The following MYT1L variants were observed in gnomAD, a reference collection of about 807,000 sequenced individuals.
MYT1L encodes myelin transcription factor 1-like protein.
Under a neutral mutation model 126.7 loss-of-function variants are expected in MYT1L, and 12 were observed. The ratio of observed to expected loss-of-function variants is 0.09; its 90% CI spans 0.06 to 0.15. The LOEUF is 0.15. Among genes scored for constraint, MYT1L ranks in the 10% least tolerant of loss-of-function variants. The pLI, the probability that MYT1L is intolerant of heterozygous loss-of-function variation, is 1.00. For missense variants in MYT1L, 979 were observed against 1,585.2 expected (o/e 0.62, Z 6.49); for synonymous variants, 541 against 604.2 (o/e 0.90, Z 1.53).
At chr2:1,805,895 A>G (rs2035620727) in intron 22 of MYT1L, among the ~76,000 whole-genome samples, 1 of 152,114 alleles carries the variant, frequency 6.6e-6, no homozygotes, top group African/African-American at 2.4e-5. Flanking sequence ...AAAAAAAGAG[A>G]GGGATTGTCT....
intron 19 of MYT1L, chr2:1,842,961 G>GCGCTTCCGCTTCCAGC (rs2042002308): frequency 3.0e-5 from 5 of 169,006 alleles, no homozygotes; most frequent in Non-Finnish European, 6.2e-5. Flanking sequence ...CCGCTTCCAG[G>GCGCTTCCGCTTCCAGC]CGCGCGGTGC....
intron 9 of MYT1L, among the ~76,000 whole-genome samples, chr2:1,932,748 G>C (rs2055188185): frequency 6.6e-6 from 1 of 152,134 alleles, no homozygotes; most frequent in Non-Finnish European, 1.5e-5. Flanking sequence ...AGAGTGTTCT[G>C]GGGGAGGAAA....
At chr2:2,315,495 A>G (rs932967376) in intron 1 of MYT1L, among the ~76,000 whole-genome samples, 2 of 152,202 alleles carry the variant, frequency 1.3e-5, no homozygotes, top group African/African-American at 4.8e-5. Context: ...ACTGGTGCCT[A>G]TAACAATCCT....
At chr2:2,073,272 T>A (rs1214220017) in intron 3 of MYT1L, among the ~76,000 whole-genome samples, 1 of 151,402 alleles carries the variant, frequency 6.6e-6, no homozygotes, top group Non-Finnish European at 1.5e-5. Context: ...CACCATCTCA[T>A]CTCCCATCCC....
intron 3 of MYT1L, among the ~76,000 whole-genome samples, chr2:2,095,681 G>A (rs1043689427): frequency 1.1e-4 from 16 of 152,132 alleles, no homozygotes; most frequent in African/African-American, 3.1e-4. Context: ...TGCAATCTAT[G>A]GGCCAAAGGG....
At chr2:2,160,544 T>A (rs868431487) in intron 3 of MYT1L, among the ~76,000 whole-genome samples, 2 of 152,186 alleles carry the variant, frequency 1.3e-5, no homozygotes, top group Non-Finnish European at 2.9e-5. Context: ...GACTTCCTAA[T>A]AGTTTGGTCA....
intron 3 of MYT1L, among the ~76,000 whole-genome samples, chr2:2,129,114 A>T (rs2082054353): frequency 6.6e-6 from 1 of 152,348 alleles, no homozygotes; most frequent in Admixed American, 6.5e-5. Context: ...TTCACTGAGA[A>T]GACAGACGCT....
chr2:2,216,045 C>G (rs181060758), intron 2 of MYT1L, among the ~76,000 whole-genome samples: 1,908 of 99,812 alleles, frequency 0.019, 36 homozygotes, highest in African/African-American at 0.057. Flanking sequence ...GTCTGTCTGT[C>G]TCTCTCTCTC....
chr2:1,884,077 A>G (rs1186589333), intron 18 of MYT1L: 1 of 152,230 alleles, frequency 6.6e-6, no homozygotes, highest in Non-Finnish European at 1.5e-5. Flanking sequence ...TGTTTTGTCC[A>G]TGATCAAGAA....
rs575297567 is a variant in MYT1L, at chr2:2,233,688, T to C, written c.-421+50716A>G. Reference sequence around the variant, plus strand: ...AGCGGAACCAGCCATATCGGCACCATTGTCAGACAGGAAATGAACCCAAGG... The same window carrying C: ...AGCGGAACCAGCCATATCGGCACCACTGTCAGACAGGAAATGAACCCAAGG... On this transcript the variant is annotated intron_variant, in intron 2 of 24. Coordinates refer to ENST00000647738, the MANE Select transcript of MYT1L (RefSeq NM_001303052.2). 7.2e-5 allele frequency among the ~76,000 whole-genome samples: 11 copies of C among 152,250 alleles called. No homozygotes were observed. In the East Asian group the frequency reaches 2.1e-3, roughly 30 times the overall value.
intron 3 of MYT1L, among the ~76,000 whole-genome samples, chr2:2,057,729 T>G (rs1185758947): frequency 6.6e-6 from 1 of 152,238 alleles, no homozygotes; most frequent in African/African-American, 2.4e-5. Flanking sequence ...TTGGCTTTTC[T>G]TATTCAGCAT....
At chr2:1,907,101 G>T (rs1398484811) in intron 13 of MYT1L, among the ~76,000 whole-genome samples, 2 of 149,792 alleles carry the variant, frequency 1.3e-5, no homozygotes, top group African/African-American at 2.5e-5. Flanking sequence ...GACAGAGTGA[G>T]ACCCTGTCTC....
intron 15 of MYT1L, among the ~76,000 whole-genome samples, chr2:1,891,532 C>T (rs1025356592): frequency 2.0e-5 from 3 of 152,212 alleles, no homozygotes; most frequent in Admixed American, 6.5e-5. Context: ...GTGGAACTGA[C>T]GAGTGCTGGC....
At chr2:2,141,217 T>C (rs1011146758) in intron 3 of MYT1L, among the ~76,000 whole-genome samples, 1 of 152,202 alleles carries the variant, frequency 6.6e-6, no homozygotes. Context: ...CAGGCATGCA[T>C]AATCATAAAA....
Position 2,141,091 on chromosome 2 carries a change from A to G in MYT1L, c.-304+31781T>C, listed in dbSNP as rs575077875. On this transcript the variant is annotated intron_variant, in intron 3 of 24. Transcript: ENST00000647738. ...GTAAGATATTCAAATCCCATGGAGA[A>G]GTGTATGGATGGTATGAAAATCAGT... 5.8e-4 allele frequency among the ~76,000 whole-genome samples: 89 copies of G among 152,338 alleles called. No homozygotes were observed. The Middle Eastern group carries it at 0.02, about 35-fold the overall frequency.
chr2:1,982,873 T>G (rs2060712486), intron 5 of MYT1L, among the ~76,000 whole-genome samples: 1 of 152,210 alleles, frequency 6.6e-6, no homozygotes, highest in Non-Finnish European at 1.5e-5. Context: ...GGAGCACCTG[T>G]GAGCAGAAGT....
At chr2:1,859,808 G>A (rs1215484783) in intron 18 of MYT1L, among the ~76,000 whole-genome samples, 3 of 152,228 alleles carry the variant, frequency 2.0e-5, no homozygotes, top group Non-Finnish European at 4.4e-5. Context: ...TACCCTGGAG[G>A]ACGCACGCAT....
chr2:1,824,060 C>T (rs79999918), intron 21 of MYT1L, among the ~76,000 whole-genome samples: 5,651 of 152,238 alleles, frequency 0.037, 343 homozygotes, highest in African/African-American at 0.13. Context: ...TTTTAGGGAA[C>T]GTGCCAAGCC....
At chr2:2,166,711 TA>T (rs1234436426) in intron 3 of MYT1L, among the ~76,000 whole-genome samples, 1 of 152,184 alleles carries the variant, frequency 6.6e-6, no homozygotes, top group Non-Finnish European at 1.5e-5. Context: ...CATTCAAAAA[TA>T]AAGAAACAAA....
Sources: allele counts gnomAD v4.1 joint callset (sites outside exome capture counted in the v4.1 genomes callset), GRCh38; gene constraint gnomAD v4.1.1; transcripts MANE v1.5; gene names NCBI Gene and HGNC (gene_info 2026-07-23, HGNC 2026-07-21).